Variants in PRMT8 observed in about 807,000 individuals in gnomAD.
The protein encoded by PRMT8 is protein arginine N-methyltransferase 8.
A neutral mutation model predicts 47.1 loss-of-function variants in PRMT8; 7 were observed. That is an observed-to-expected ratio of 0.15 (90% CI 0.08 to 0.28). The LOEUF is 0.28. Among genes scored for constraint, PRMT8 ranks in the 10% least tolerant of loss-of-function variants. The pLI is 1.00. For synonymous variants in PRMT8, 188 were observed against 186.5 expected (o/e 1.01, Z -0.07); for missense variants, 237 against 505.4 (o/e 0.47, Z 5.09).
At chr12:3,534,427 A>G (rs1216038510) in intron 1 of PRMT8, among the ~76,000 whole-genome samples, 1 of 146,282 alleles carries the variant, frequency 6.8e-6, no homozygotes, top group South Asian at 2.2e-4. Context: ...CAGCACCTTC[A>G]CTCTCCTTCC....
At chr12:3,411,385 G>A (rs1431709379) in intron 1 of PRMT8, among the ~76,000 whole-genome samples, 6 of 152,092 alleles carry the variant, frequency 3.9e-5, no homozygotes, top group African/African-American at 1.4e-4. Flanking sequence ...TCTTTCAGTT[G>A]CCTTCAAACA....
intron 6 of PRMT8, among the ~76,000 whole-genome samples, chr12:3,574,735 C>T (rs558867315): frequency 5.2e-4 from 79 of 152,316 alleles, no homozygotes; most frequent in African/African-American, 1.8e-3. Context: ...AGGTTATATT[C>T]GTGCCTAAGA....
At chr12:3,485,779 A>G (rs975430129) in intron 1 of PRMT8, among the ~76,000 whole-genome samples, 6 of 152,218 alleles carry the variant, frequency 3.9e-5, no homozygotes, top group Non-Finnish European at 8.8e-5. Flanking sequence ...TATTTGCATG[A>G]GCAAAAAATA....
intron 4 of PRMT8, 121 bp from the exon 5 acceptor site, chr12:3,568,585 C>A: frequency 9.0e-7 from 1 of 1,111,624 alleles, no homozygotes; most frequent in Non-Finnish European, 1.3e-6. Flanking sequence ...TGAGCTACAT[C>A]ATATCCTAAA....
intron 1 of PRMT8, among the ~76,000 whole-genome samples, chr12:3,480,239 GT>G (rs5796055): frequency 0.077 from 11,646 of 152,138 alleles, 535 homozygotes; most frequent in Non-Finnish European, 0.1. Context: ...CTTAAAAAAT[GT>G]TTTTTTAAAG....
chr12:3,460,755 T>G (rs1042416772), intron 1 of PRMT8, among the ~76,000 whole-genome samples: 2 of 152,174 alleles, frequency 1.3e-5, no homozygotes, highest in African/African-American at 4.8e-5. Flanking sequence ...GGCTGTCGGA[T>G]TTCAGAGCCC....
At position 3,457,739 on chromosome 12, in the gene PRMT8, A is replaced by G. The variant is rs531840833; in HGVS notation, c.48+76297A>G. On this transcript the variant is annotated intron_variant, in intron 1 of 9. Coordinates refer to the PRMT8 transcript ENST00000452611. ...AGAATATAGAATACCATTATAGCGA[A>G]GAATAATGTAGGAAACCAATTCAAA... Among the ~76,000 whole-genome samples the G allele has an allele frequency of 1.2e-4, 19 of 152,322 alleles. No homozygotes were observed. The South Asian group carries it at 3.9e-3, about 32-fold the overall frequency.
intron 1 of PRMT8, among the ~76,000 whole-genome samples, chr12:3,526,166 A>G (rs1242253170): frequency 6.6e-6 from 1 of 152,106 alleles, no homozygotes; most frequent in Non-Finnish European, 1.5e-5. Flanking sequence ...TATGTCCTCA[A>G]GGCTCATTCA....
intron 1 of PRMT8, among the ~76,000 whole-genome samples, chr12:3,513,231 C>G (rs61907691): frequency 0.24 from 36,112 of 152,106 alleles, 5,246 homozygotes; most frequent in South Asian, 0.35. Context: ...AATCCCCCAT[C>G]ATCACCCAGT....
In PRMT8 at chr12:3,493,456, G is replaced by A. The variant is rs951930125; in HGVS notation, c.75+1756G>A. ...GCTGGAGCCCTGGAAGCGAGAAGGCGCTTCCTCCCTGCATTTCCACCTCAC... is the reference window on the plus strand; with the variant it reads ...GCTGGAGCCCTGGAAGCGAGAAGGCACTTCCTCCCTGCATTTCCACCTCAC... On this transcript the variant is annotated intron_variant, in intron 1 of 9. Coordinates refer to ENST00000382622, the MANE Select transcript of PRMT8 (RefSeq NM_019854.5). The surrounding 1 kb of genome is among the most constrained non-coding windows in gnomAD (Gnocchi z 8.2). 1.4e-4 allele frequency among the ~76,000 whole-genome samples: 21 copies of A among 152,210 alleles called. No individual in the cohort carries two copies. Among genetic ancestry groups the A allele is most frequent in the Non-Finnish European group, 2.5e-4 (17 of 68,040 alleles).
chr12:3,389,466 C>T (rs938757106), intron 1 of PRMT8, among the ~76,000 whole-genome samples: 1 of 152,154 alleles, frequency 6.6e-6, no homozygotes, highest in African/African-American at 2.4e-5. Flanking sequence ...CTCATTCTTT[C>T]CTTCCTTCCT....
intron 1 of PRMT8, among the ~76,000 whole-genome samples, chr12:3,533,557 C>T: frequency 6.6e-6 from 1 of 152,218 alleles, no homozygotes; most frequent in East Asian, 1.9e-4. Context: ...CAACCCTGAC[C>T]CTCCTCCCCT....
At position 3,386,260 on chromosome 12, in the gene PRMT8, C is replaced by T. The variant is rs139009175; in HGVS notation, c.48+4818C>T. Among the ~76,000 whole-genome samples, 7 of 152,330 alleles carry T rather than the reference C, an allele frequency of 4.6e-5. No homozygotes were observed. The East Asian group carries it at 1.3e-3, about 29-fold the overall frequency. On this transcript the variant is annotated intron_variant, in intron 1 of 9. Coordinates refer to the PRMT8 transcript ENST00000452611. ...GGAACAAAATGGTGTGGTTCCTCTT[C>T]CAGGAAGTGCTGCCATCTCTCTTTT...
At chr12:3,471,920 G>A (rs1266426019) in intron 1 of PRMT8, among the ~76,000 whole-genome samples, 1 of 151,974 alleles carries the variant, frequency 6.6e-6, no homozygotes, top group Non-Finnish European at 1.5e-5. Flanking sequence ...AAGGTAGCGG[G>A]GTGAGGGTAG....
At chr12:3,403,296 A>G (rs1565399480) in intron 1 of PRMT8, among the ~76,000 whole-genome samples, 1 of 152,104 alleles carries the variant, frequency 6.6e-6, no homozygotes. Flanking sequence ...GAGGGGAACA[A>G]CACACACTGA....
intron 1 of PRMT8, among the ~76,000 whole-genome samples, chr12:3,395,819 G>C (rs562211065): frequency 6.6e-6 from 1 of 151,796 alleles, no homozygotes; most frequent in Non-Finnish European, 1.5e-5. Context: ...GGGTGTTAAA[G>C]TCTCCCATTA....
At chr12:3,422,086 T>C (rs1213904736) in intron 1 of PRMT8, among the ~76,000 whole-genome samples, 1 of 152,220 alleles carries the variant, frequency 6.6e-6, no homozygotes, top group Non-Finnish European at 1.5e-5. Flanking sequence ...GGGGTACATG[T>C]CCACCTGAGT....
At chr12:3,427,966 T>C (rs1864624047) in intron 1 of PRMT8, among the ~76,000 whole-genome samples, 1 of 152,244 alleles carries the variant, frequency 6.6e-6, no homozygotes, top group South Asian at 2.1e-4. Context: ...TAGCAAATTT[T>C]ACTTTTGTTG....
intron 1 of PRMT8, among the ~76,000 whole-genome samples, chr12:3,411,215 G>A (rs776298656): frequency 6.6e-6 from 1 of 152,224 alleles, no homozygotes; most frequent in Non-Finnish European, 1.5e-5. Context: ...GCCGCTAAAA[G>A]CTCATTCACT....
Sources: gnomAD v4.1 joint callset for allele counts (sites outside exome capture counted in the v4.1 genomes callset) on GRCh38, gnomAD v4.1.1 for gene constraint, Gnocchi (gnomAD v3.1) non-coding constraint, MANE v1.5 for transcripts, NCBI Gene and HGNC (gene_info 2026-07-23, HGNC 2026-07-21) for gene names.